Variants in PTPRG observed in about 807,000 individuals in gnomAD.
PTPRG encodes receptor-type tyrosine-protein phosphatase gamma.
Under a neutral mutation model 165.3 loss-of-function variants are expected in PTPRG, and 102 were observed. That is an observed-to-expected ratio of 0.62 (90% CI 0.53 to 0.73). PTPRG has a LOEUF of 0.73. PTPRG is among the 30% of genes least tolerant of loss of function. The pLI, the probability that PTPRG is intolerant of heterozygous loss-of-function variation, is 0.00. For missense variants in PTPRG, 1,866 were observed against 1,861.4 expected, an observed-to-expected ratio of 1.00 and a Z score of -0.05; for synonymous variants, 675 against 669.5, an observed-to-expected ratio of 1.01 and a Z score of -0.13.
intron 1 of PTPRG, among the ~76,000 whole-genome samples, chr3:61,716,900 C>T (rs2031833324): frequency 3.9e-5 from 6 of 151,958 alleles, no homozygotes; most frequent in South Asian, 2.1e-4. Flanking sequence ...TGAACCTGGG[C>T]GGCAGAGGTT....
At chr3:62,114,765 C>T (rs1010345267) in intron 5 of PTPRG, among the ~76,000 whole-genome samples, 1 of 152,152 alleles carries the variant, frequency 6.6e-6, no homozygotes, top group Non-Finnish European at 1.5e-5. Context: ...CCATCTCAAC[C>T]TCCTGAGCAG....
chr3:61,652,402 T>A (rs528246399), intron 1 of PTPRG, among the ~76,000 whole-genome samples: 223 of 152,322 alleles, frequency 1.5e-3, no homozygotes, highest in South Asian at 7.5e-3. Context: ...ACAGGGCTGA[T>A]CTTCAAGTTT....
intron 2 of PTPRG, among the ~76,000 whole-genome samples, chr3:61,882,162 A>C (rs993251862): frequency 1.3e-5 from 2 of 152,224 alleles, no homozygotes; most frequent in Non-Finnish European, 2.9e-5. Flanking sequence ...GAATGGGAAA[A>C]TCACTGGGCA....
At chr3:61,680,679 T>C (rs573453851) in intron 1 of PTPRG, among the ~76,000 whole-genome samples, 1 of 150,654 alleles carries the variant, frequency 6.6e-6, no homozygotes, top group South Asian at 2.1e-4. Context: ...CAGCCTCTGG[T>C]ATAGGCTTTC....
At chr3:61,975,600 G>A (rs4440119) in intron 2 of PTPRG, among the ~76,000 whole-genome samples, 2 of 151,912 alleles carry the variant, frequency 1.3e-5, no homozygotes. Context: ...TCTCACCATG[G>A]AAGTCCTAAA....
chr3:62,187,396 C>A (rs572401369), intron 8 of PTPRG, among the ~76,000 whole-genome samples: 1 of 152,362 alleles, frequency 6.6e-6, no homozygotes, highest in South Asian at 2.1e-4. Flanking sequence ...TCCCCACCAC[C>A]TTTTGTGTAA....
chr3:62,133,252 A>G (rs2106928762), intron 6 of PTPRG, among the ~76,000 whole-genome samples: 1 of 152,352 alleles, frequency 6.6e-6, no homozygotes, highest in Middle Eastern at 3.4e-3. Flanking sequence ...TATTATCTGC[A>G]CTGCATCATT....
intron 2 of PTPRG, among the ~76,000 whole-genome samples, chr3:61,840,790 T>G (rs867599743): frequency 2.8e-5 from 4 of 140,606 alleles, no homozygotes; most frequent in African/African-American, 5.2e-5. Context: ...TTGTTTTTTT[T>G]TTTTTTTTTT....
intron 2 of PTPRG, among the ~76,000 whole-genome samples, chr3:61,952,118 GAAAAA>G (rs35655816): frequency 1.3e-4 from 10 of 79,672 alleles, no homozygotes; most frequent in African/African-American, 4.2e-4. Context: ...CTCCACCTCA[GAAAAA>G]AAAAAAAAAA....
intron 1 of PTPRG, among the ~76,000 whole-genome samples, chr3:61,647,253 C>A (rs771622903): frequency 6.6e-6 from 1 of 152,180 alleles, no homozygotes; most frequent in Non-Finnish European, 1.5e-5. Flanking sequence ...TCCTGTCTTT[C>A]ATTTTACCGT....
At chr3:61,836,059 C>A (rs142298149) in intron 2 of PTPRG, among the ~76,000 whole-genome samples, 6 of 68,942 alleles carry the variant, frequency 8.7e-5, no homozygotes, top group Admixed American at 2.7e-4. Context: ...CGCCCCCCCC[C>A]ACCAAAAAAA....
chr3:61,931,400 A>C (rs2039357850), intron 2 of PTPRG, among the ~76,000 whole-genome samples: 1 of 152,252 alleles, frequency 6.6e-6, no homozygotes, highest in Admixed American at 6.5e-5. Flanking sequence ...TGGCACAGAC[A>C]CACTGCTCTT....
chr3:62,123,200 A>G (rs1250713219), intron 5 of PTPRG, among the ~76,000 whole-genome samples: 2 of 152,156 alleles, frequency 1.3e-5, no homozygotes, highest in Admixed American at 6.5e-5. Flanking sequence ...TTCACTTCTA[A>G]TTTTACTTAG....
chr3:62,093,808 A>G (rs1251169306), intron 5 of PTPRG, among the ~76,000 whole-genome samples: 1 of 152,210 alleles, frequency 6.6e-6, no homozygotes, highest in Admixed American at 6.5e-5. Context: ...GTGAACCTGC[A>G]TTAAGATGGA....
At chr3:62,078,867 T>A (rs1359912604) in intron 5 of PTPRG, among the ~76,000 whole-genome samples, 3 of 152,212 alleles carry the variant, frequency 2.0e-5, no homozygotes, top group African/African-American at 7.2e-5. Flanking sequence ...CTGTTCAGGC[T>A]TTTTAATAAG....
chr3:62,086,867 G>C (rs1436887400), intron 5 of PTPRG, among the ~76,000 whole-genome samples: 2 of 130,420 alleles, frequency 1.5e-5, no homozygotes, highest in African/African-American at 7.6e-5. Flanking sequence ...GGTGTTTTCA[G>C]CACATCTTCT....
chr3:62,132,402 T>C (rs1330041173), intron 5 of PTPRG, among the ~76,000 whole-genome samples, 200 bp from the exon 6 acceptor site: 1 of 152,238 alleles, frequency 6.6e-6, no homozygotes, highest in East Asian at 1.9e-4. Flanking sequence ...GAGAAGTTTC[T>C]TTCTTTTGAT....
At chr3:61,834,679 GGC>G (rs2036408676) in intron 2 of PTPRG, among the ~76,000 whole-genome samples, 1 of 152,162 alleles carries the variant, frequency 6.6e-6, no homozygotes, top group South Asian at 2.1e-4. Flanking sequence ...TGGGCATGGT[GGC>G]GTGTGCCTGT....
intron 5 of PTPRG, among the ~76,000 whole-genome samples, chr3:62,131,670 T>C (rs1703519699): frequency 6.6e-6 from 1 of 152,158 alleles, no homozygotes; most frequent in South Asian, 2.1e-4. Flanking sequence ...TGAAAAACTC[T>C]TTATTTTGGA....
Sources: allele counts gnomAD v4.1 joint callset (sites outside exome capture counted in the v4.1 genomes callset), GRCh38; gene constraint gnomAD v4.1.1; transcripts MANE v1.5; gene names NCBI Gene and HGNC (gene_info 2026-07-23, HGNC 2026-07-21).